MALRD1: variants seen among roughly 807,000 people sequenced by gnomAD.
MALRD1 encodes the protein MAM and LDL-receptor class A domain-containing protein 1.
Under a neutral mutation model 242.1 loss-of-function variants are expected in MALRD1, and 247 were observed. That is an observed-to-expected ratio of 1.02 (90% CI 0.92 to 1.13). MALRD1 has a LOEUF of 1.13. Ranked by LOEUF, MALRD1 falls within the 50% of genes most tolerant of loss-of-function variation. MALRD1 has a pLI of 0.00. For synonymous variants in MALRD1, 995 were observed against 866.6 expected, an observed-to-expected ratio of 1.15 and a Z score of -2.60; for missense variants, 2,989 against 2,533.1, an observed-to-expected ratio of 1.18 and a Z score of -3.86.
intron 19 of MALRD1, among the ~76,000 whole-genome samples, chr10:19,262,239 C>T (rs1839781382): frequency 6.6e-6 from 1 of 151,934 alleles, no homozygotes; most frequent in African/African-American, 2.4e-5. Context: ...GGTATATAGT[C>T]AAGGTGTACA....
intron 2 of MALRD1, among the ~76,000 whole-genome samples, chr10:19,087,455 T>G (rs552849105): frequency 3.3e-5 from 5 of 151,980 alleles, no homozygotes; most frequent in Non-Finnish European, 7.4e-5. Flanking sequence ...ACAAAAAAAA[T>G]TATTAATCTA....
intron 28 of MALRD1, among the ~76,000 whole-genome samples, chr10:19,439,337 C>A (rs952453769): frequency 6.6e-6 from 1 of 151,926 alleles, no homozygotes; most frequent in African/African-American, 2.4e-5. Context: ...TTAAAACCAG[C>A]CTGGGCAACA....
chr10:19,052,992 A>G (rs1041003101), intron 1 of MALRD1, among the ~76,000 whole-genome samples: 6 of 152,152 alleles, frequency 3.9e-5, no homozygotes, highest in African/African-American at 1.4e-4. Context: ...CAAGGTTGGA[A>G]AGAATCTCTG....
At chr10:19,197,230 C>T (rs925891603) in intron 14 of MALRD1, among the ~76,000 whole-genome samples, 3 of 152,118 alleles carry the variant, frequency 2.0e-5, no homozygotes, top group African/African-American at 7.2e-5. Context: ...CAGGTCCCTC[C>T]CTCAACACGT....
chr10:19,525,294 T>C (rs562688319), intron 31 of MALRD1, among the ~76,000 whole-genome samples: 1 of 152,036 alleles, frequency 6.6e-6, no homozygotes, highest in Non-Finnish European at 1.5e-5. Context: ...AATGACTCAA[T>C]GAAACAGTTT....
chr10:19,404,485 T>A (rs1024094428), intron 28 of MALRD1, among the ~76,000 whole-genome samples: 1 of 152,102 alleles, frequency 6.6e-6, no homozygotes, highest in South Asian at 2.1e-4. Flanking sequence ...AATCTTCCAC[T>A]TATTTTCCTG....
At chr10:19,510,861 A>G (rs1833371785) in intron 31 of MALRD1, among the ~76,000 whole-genome samples, 1 of 152,196 alleles carries the variant, frequency 6.6e-6, no homozygotes. Flanking sequence ...TTTTAACCAA[A>G]TAGCTTGTTT....
chr10:19,691,124 G>A (rs1264742750), intron 36 of MALRD1, among the ~76,000 whole-genome samples: 5 of 151,980 alleles, frequency 3.3e-5, no homozygotes, highest in Admixed American at 2.6e-4. Context: ...GGACTGACAA[G>A]GAATGCATCT....
rs891820873 is a variant in MALRD1 at position 19,157,857 on chromosome 10, C to T, written c.1656+2685C>T. Among the ~76,000 whole-genome samples the T allele has an allele frequency of 4.6e-5, 7 of 152,194 alleles. No individual in the cohort carries two copies. The South Asian group carries it at 1.0e-3, about 23-fold the overall frequency. ...GACTTTAAAGCAACTTGAGCTTTCTCGTGAGTTGCCATTTCTAACAGCACG... is the reference window on the plus strand; with the variant it reads ...GACTTTAAAGCAACTTGAGCTTTCTTGTGAGTTGCCATTTCTAACAGCACG... On this transcript the variant is annotated intron_variant, in intron 12 of 39. Coordinates refer to ENST00000454679, the MANE Select transcript of MALRD1 (RefSeq NM_001142308.3).
intron 38 of MALRD1, among the ~76,000 whole-genome samples, chr10:19,698,816 TC>T (rs1350298603): frequency 6.6e-6 from 1 of 152,100 alleles, no homozygotes; most frequent in Non-Finnish European, 1.5e-5. Flanking sequence ...GAGTATTCTG[TC>T]CCAGCAAGTC....
At chr10:19,162,290 C>CCTCT (rs34173895) in intron 12 of MALRD1, among the ~76,000 whole-genome samples, 19 of 149,626 alleles carry the variant, frequency 1.3e-4, no homozygotes. Flanking sequence ...TCCTCTCTTT[C>CCTCT]CTCTCTCTCT....
intron 36 of MALRD1, among the ~76,000 whole-genome samples, chr10:19,617,051 T>A (rs1043407399): frequency 2.6e-5 from 4 of 152,062 alleles, no homozygotes; most frequent in Non-Finnish European, 5.9e-5. Context: ...CCAAAAAGTT[T>A]ATTAAATATC....
At chr10:19,583,434 G>A (rs1317156319) in intron 33 of MALRD1, among the ~76,000 whole-genome samples, 1 of 150,470 alleles carries the variant, frequency 6.6e-6, no homozygotes, top group Non-Finnish European at 1.5e-5. Context: ...TTAGCATGAA[G>A]GGTTGTTGAA....
intron 29 of MALRD1, among the ~76,000 whole-genome samples, chr10:19,470,312 T>C (rs1328085572): frequency 6.6e-6 from 1 of 152,036 alleles, no homozygotes; most frequent in Non-Finnish European, 1.5e-5. Context: ...TTCCATTGCG[T>C]GTGTATACCA....
chr10:19,329,775 T>C (rs972993913), intron 23 of MALRD1, among the ~76,000 whole-genome samples: 98 of 152,304 alleles, frequency 6.4e-4, no homozygotes, highest in African/African-American at 2.3e-3. Flanking sequence ...AGATACATTG[T>C]AGTTTCTCTC....
chr10:19,685,932 G>GA (rs1416063940), intron 36 of MALRD1, among the ~76,000 whole-genome samples: 1 of 152,148 alleles, frequency 6.6e-6, no homozygotes, highest in Non-Finnish European at 1.5e-5. Flanking sequence ...ATTACAGCAA[G>GA]AAAAATGGCA....
At chr10:19,117,107 A>AAAAGAAG (rs1588568897) in intron 5 of MALRD1, among the ~76,000 whole-genome samples, 1 of 151,920 alleles carries the variant, frequency 6.6e-6, no homozygotes, top group East Asian at 1.9e-4. Flanking sequence ...AAAAAAAAAA[A>AAAAGAAG]AAAGAAGAAA....
intron 38 of MALRD1, among the ~76,000 whole-genome samples, chr10:19,696,329 A>T (rs373018994): frequency 6.6e-6 from 1 of 152,184 alleles, no homozygotes; most frequent in East Asian, 1.9e-4. Flanking sequence ...TCACTAAAAG[A>T]TTTAATAACA....
chr10:19,397,869 C>T (rs189640506), intron 28 of MALRD1, among the ~76,000 whole-genome samples: 6 of 151,918 alleles, frequency 3.9e-5, no homozygotes, highest in African/African-American at 1.4e-4. Flanking sequence ...AGGTGATATC[C>T]ATCATGGTTT....
Sources: allele counts gnomAD v4.1 joint callset (sites outside exome capture counted in the v4.1 genomes callset), GRCh38; gene constraint gnomAD v4.1.1; transcripts MANE v1.5; gene names NCBI Gene and HGNC (gene_info 2026-07-23, HGNC 2026-07-21).